Variants in LOC128092252 observed in about 807,000 individuals in gnomAD.
chr15:50,671,037 A>T, the LOC128092252 span, among the ~76,000 whole-genome samples: 2 of 152,256 alleles, frequency 1.3e-5, no homozygotes, highest in East Asian at 3.9e-4. Flanking sequence ...TATCATATAC[A>T]TTGCCTCACA....
chr15:50,660,282 A>T, the LOC128092252 span, among the ~76,000 whole-genome samples: 1 of 152,220 alleles, frequency 6.6e-6, no homozygotes, highest in East Asian at 1.9e-4. Context: ...GTATTAAAAA[A>T]TTGAGGGATA....
At chr15:50,655,768 C>T in the LOC128092252 span, among the ~76,000 whole-genome samples, 237 of 152,242 alleles carry the variant, frequency 1.6e-3, 4 homozygotes, top group Middle Eastern at 6.8e-3. Flanking sequence ...GAGGCCAAGG[C>T]AGGCAGATCA....
the LOC128092252 span, among the ~76,000 whole-genome samples, chr15:50,678,657 C>T: frequency 1.3e-5 from 2 of 151,806 alleles, no homozygotes; most frequent in South Asian, 2.1e-4. Flanking sequence ...ATTTTAGATA[C>T]GAACCCTATG....
chr15:50,667,809 T>C, the LOC128092252 span, among the ~76,000 whole-genome samples: 6 of 152,350 alleles, frequency 3.9e-5, no homozygotes, highest in African/African-American at 1.2e-4. Flanking sequence ...AATAATGCAC[T>C]AGTCCAACAG....
the LOC128092252 span, among the ~76,000 whole-genome samples, chr15:50,674,404 T>C: frequency 1.3e-5 from 2 of 152,210 alleles, no homozygotes; most frequent in South Asian, 4.1e-4. Context: ...AGTGCTGGGA[T>C]TACAGGGGTG....
chr15:50,651,219 A>C, the LOC128092252 span, among the ~76,000 whole-genome samples: 1 of 151,034 alleles, frequency 6.6e-6, no homozygotes, highest in Non-Finnish European at 1.5e-5. Context: ...TTCAAAGAAT[A>C]CTGAGGCATG....
At chr15:50,663,055 A>C in the LOC128092252 span, 27 of 1,600,382 alleles carry the variant, frequency 1.7e-5, no homozygotes, top group Non-Finnish European at 2.3e-5. Flanking sequence ...GACTAAAACA[A>C]AATGTTTTAA....
chr15:50,658,005 A>T, the LOC128092252 span, among the ~76,000 whole-genome samples: 2 of 139,294 alleles, frequency 1.4e-5, no homozygotes. Context: ...GACAGTCTCA[A>T]TTTTTTTTTT....
the LOC128092252 span, among the ~76,000 whole-genome samples, chr15:50,660,093 T>C: frequency 6.6e-6 from 1 of 152,254 alleles, no homozygotes; most frequent in African/African-American, 2.4e-5. Context: ...AATAGCCATG[T>C]GACTTGGGAA....
chr15:50,658,367 G>A, the LOC128092252 span, among the ~76,000 whole-genome samples: 6 of 151,832 alleles, frequency 4.0e-5, no homozygotes, highest in South Asian at 1.0e-3. Flanking sequence ...GAGTCCAGGA[G>A]TTTAAGATCA....
the LOC128092252 span, among the ~76,000 whole-genome samples, chr15:50,654,568 T>C: frequency 5.3e-5 from 8 of 151,676 alleles, no homozygotes; most frequent in East Asian, 1.3e-3. Context: ...GCAGGTATTA[T>C]AAATATGCTG....
chr15:50,663,004 A>G, the LOC128092252 span: 5 of 1,613,864 alleles, frequency 3.1e-6, no homozygotes, highest in Non-Finnish European at 4.2e-6. Context: ...ATATATACAC[A>G]TTCCCTCTTG....
the LOC128092252 span, among the ~76,000 whole-genome samples, chr15:50,649,936 T>C: frequency 2.0e-5 from 3 of 152,046 alleles, no homozygotes; most frequent in South Asian, 6.2e-4. Context: ...GGCTCACACC[T>C]GTAATCCCAG....
At chr15:50,683,545 G>A in the LOC128092252 span, among the ~76,000 whole-genome samples, 1 of 151,964 alleles carries the variant, frequency 6.6e-6, no homozygotes, top group Non-Finnish European at 1.5e-5. Context: ...GACCAGCCTG[G>A]CCAACATGGC....
At chr15:50,677,365 T>A in the LOC128092252 span, among the ~76,000 whole-genome samples, 2 of 151,870 alleles carry the variant, frequency 1.3e-5, no homozygotes, top group Admixed American at 1.3e-4. Flanking sequence ...CTTCAAGATA[T>A]GAATTCTCGG....
chr15:50,671,001 T>A, the LOC128092252 span, among the ~76,000 whole-genome samples: 2 of 152,262 alleles, frequency 1.3e-5, no homozygotes, highest in East Asian at 3.9e-4. Context: ...CTACTATACA[T>A]TGCGGAATGG....
the LOC128092252 span, among the ~76,000 whole-genome samples, chr15:50,673,281 A>G: frequency 1.3e-5 from 2 of 151,978 alleles, no homozygotes; most frequent in Admixed American, 6.6e-5. Context: ...TTTTTTACTT[A>G]TTTCCATAGG....
the LOC128092252 span, among the ~76,000 whole-genome samples, chr15:50,649,526 T>C: frequency 6.6e-6 from 1 of 151,498 alleles, no homozygotes; most frequent in African/African-American, 2.4e-5. Context: ...ACAGAATGGA[T>C]AAATCTCAAA....
chr15:50,675,946 T>G, the LOC128092252 span, among the ~76,000 whole-genome samples: 1 of 152,194 alleles, frequency 6.6e-6, no homozygotes, highest in East Asian at 1.9e-4. Context: ...TTGTGCAAGT[T>G]TCAGAGCCTC....
Sources: allele counts gnomAD v4.1 joint callset (sites outside exome capture counted in the v4.1 genomes callset), GRCh38; gene constraint gnomAD v4.1.1; transcripts MANE v1.5.